ANKH: variants seen among roughly 807,000 people sequenced by gnomAD.
The protein encoded by ANKH is mineralization regulator ANKH.
ANKH carries 15 observed loss-of-function variants against 49.0 expected under a neutral mutation model. That is an observed-to-expected ratio of 0.31 (90% CI 0.20 to 0.47). The LOEUF is 0.47. ANKH is among the 20% of genes least tolerant of loss of function. The probability of loss-of-function intolerance (pLI) is 1.00; values close to 1 mark genes in which losing one functional copy is unlikely to be tolerated. For synonymous variants in ANKH, 273 were observed against 260.0 expected (o/e 1.05, Z -0.48); for missense variants, 429 against 652.0 (o/e 0.66, Z 3.72).
At chr5:14,821,406 T>C (rs1250817155) in intron 1 of ANKH, among the ~76,000 whole-genome samples, 1 of 152,214 alleles carries the variant, frequency 6.6e-6, no homozygotes, top group Non-Finnish European at 1.5e-5. Context: ...ACAGCTCTTT[T>C]ACTCTGAAAA....
chr5:14,849,073 T>C (rs972444470), intron 1 of ANKH, among the ~76,000 whole-genome samples: 14 of 152,176 alleles, frequency 9.2e-5, no homozygotes, highest in Non-Finnish European at 1.8e-4. Flanking sequence ...GGCTTAGGAA[T>C]TCTTAGTCAG....
intron 1 of ANKH, among the ~76,000 whole-genome samples, chr5:14,774,673 T>A (rs1330132752): frequency 6.6e-6 from 1 of 152,140 alleles, no homozygotes; most frequent in African/African-American, 2.4e-5. Flanking sequence ...GCTCACCCTG[T>A]TTTTCTTCAT....
chr5:14,850,276 T>C (rs1742087547), intron 1 of ANKH, among the ~76,000 whole-genome samples: 1 of 152,184 alleles, frequency 6.6e-6, no homozygotes, highest in African/African-American at 2.4e-5. Context: ...ATTCACGCAT[T>C]GTGGTCTTCC....
chr5:14,843,017 G>A (rs190490423), intron 1 of ANKH, among the ~76,000 whole-genome samples: 1 of 152,254 alleles, frequency 6.6e-6, no homozygotes, highest in Admixed American at 6.5e-5. Flanking sequence ...AGAGCTTCAA[G>A]GTAAGAGGGT....
chr5:14,805,432 T>C lies in ANKH; in HGVS notation c.97-36241A>G, dbSNP rs554690648. On this transcript the variant is annotated intron_variant, in intron 1 of 11. Transcript: ENST00000284268. ...TGTGTGTGTGTGTATCCTATAAACA[T>C]ATATATGTGTGTGTGTATATATATA... Among the ~76,000 whole-genome samples the C allele has an allele frequency of 3.9e-3, 452 of 116,360 alleles. 4 individuals carry two copies. The highest frequency in any genetic ancestry group is 0.014 in the African/African-American group (437 of 30,154). 76.3% of individuals were successfully genotyped at this position (116,360 alleles called of 152,430 possible). A position where few individuals can be genotyped will look rare whatever the true frequency, so the allele number is the denominator to read the frequency against.
intron 1 of ANKH, among the ~76,000 whole-genome samples, chr5:14,810,486 T>C (rs1740846383): frequency 6.6e-6 from 1 of 152,214 alleles, no homozygotes; most frequent in East Asian, 1.9e-4. Flanking sequence ...TAAAGTAGAA[T>C]AACAGTGAGC....
chr5:14,806,952 T>A (rs936411550), intron 1 of ANKH, among the ~76,000 whole-genome samples: 1 of 152,182 alleles, frequency 6.6e-6, no homozygotes, highest in Non-Finnish European at 1.5e-5. Context: ...TCAGAAAATA[T>A]AGTTCTAATT....
chr5:14,829,667 T>G (rs1316237570), intron 1 of ANKH, among the ~76,000 whole-genome samples: 5 of 152,190 alleles, frequency 3.3e-5, no homozygotes, highest in Non-Finnish European at 7.3e-5. Flanking sequence ...TTGAGTGTCT[T>G]AAGAATCAGT....
chr5:14,863,080 CG>C (rs1561089524), intron 1 of ANKH, among the ~76,000 whole-genome samples: 1 of 152,100 alleles, frequency 6.6e-6, no homozygotes, highest in East Asian at 1.9e-4. Context: ...AGTGGTTACA[CG>C]GGCATACTGC....
intron 8 of ANKH, among the ~76,000 whole-genome samples, chr5:14,739,919 TAATA>T (rs1351077882): frequency 1.3e-5 from 2 of 152,324 alleles, no homozygotes; most frequent in African/African-American, 2.4e-5. Flanking sequence ...AGGATTAGAA[TAATA>T]AATAAAGCCT....
At chr5:14,747,742 G>A (rs970812290) in intron 6 of ANKH, among the ~76,000 whole-genome samples, 11 of 152,172 alleles carry the variant, frequency 7.2e-5, no homozygotes, top group African/African-American at 2.4e-4. Context: ...GAGGTTCCAG[G>A]AACATGAGGC....
intron 1 of ANKH, among the ~76,000 whole-genome samples, chr5:14,864,029 AC>A (rs544864553): frequency 6.6e-5 from 10 of 152,266 alleles, no homozygotes; most frequent in Admixed American, 4.6e-4. Flanking sequence ...AGCTTGGGCA[AC>A]ATCACAAGAC....
chr5:14,716,950 C>T (rs1018448666), intron 8 of ANKH, 115 bp from the exon 9 acceptor site: 53 of 1,377,444 alleles, frequency 3.8e-5, no homozygotes, highest in Non-Finnish European at 5.3e-5. Flanking sequence ...ACCGGCCTGA[C>T]TGGGTGGTGG....
intron 2 of ANKH, among the ~76,000 whole-genome samples, chr5:14,759,854 GGAAGGAAAGA>G (rs150245328): frequency 0.65 from 95,977 of 148,160 alleles, 31,402 homozygotes; most frequent in Admixed American, 0.7. Context: ...GGAAGGAAAG[GGAAGGAAAGA>G]GAAGGAAAGG....
At chr5:14,801,199 T>C (rs188755150) in intron 1 of ANKH, among the ~76,000 whole-genome samples, 2 of 152,298 alleles carry the variant, frequency 1.3e-5, no homozygotes, top group African/African-American at 4.8e-5. Context: ...GATCAAAAGG[T>C]TTCTTACCTG....
At chr5:14,718,831 C>CT (rs1000393287) in intron 8 of ANKH, among the ~76,000 whole-genome samples, 2 of 140,600 alleles carry the variant, frequency 1.4e-5, no homozygotes, top group African/African-American at 2.7e-5. Flanking sequence ...CCAACACCAC[C>CT]CCCCCCCCAA....
chr5:14,814,031 C>G (rs901494413), intron 1 of ANKH, among the ~76,000 whole-genome samples: 1 of 152,186 alleles, frequency 6.6e-6, no homozygotes, highest in African/African-American at 2.4e-5. Flanking sequence ...TAATTTCCAC[C>G]TTATCCCAGT....
Position 14,710,813 on chromosome 5 carries a change from T to C in ANKH, c.*384A>G, listed in dbSNP as rs1047091803. 1.0e-5 allele frequency: 3 copies of C among 291,108 alleles called. No individual in the cohort carries two copies. Among genetic ancestry groups the C allele is most frequent in the African/African-American group, 2.2e-5 (1 of 45,456 alleles). 18.0% of individuals were successfully genotyped at this position (291,108 alleles called of 1,614,324 possible). ...AGAGCGATGAAGGGGGACAGGAGAGTCTGTGGCCTGCTGTGCAGGGTGACC... is the reference window on the plus strand; with the variant it reads ...AGAGCGATGAAGGGGGACAGGAGAGCCTGTGGCCTGCTGTGCAGGGTGACC... On this transcript the variant is annotated 3_prime_UTR_variant, in exon 12 of 12. Coordinates refer to ENST00000284268, the MANE Select transcript of ANKH (RefSeq NM_054027.6).
At chr5:14,856,987 C>G (rs1436548777) in intron 1 of ANKH, among the ~76,000 whole-genome samples, 4 of 152,156 alleles carry the variant, frequency 2.6e-5, no homozygotes, top group Admixed American at 1.3e-4. Flanking sequence ...TCCTGAGCAC[C>G]AGTGAACTCA....
Sources: gnomAD v4.1 joint callset for allele counts (sites outside exome capture counted in the v4.1 genomes callset) on GRCh38, gnomAD v4.1.1 for gene constraint, MANE v1.5 for transcripts, NCBI Gene and HGNC (gene_info 2026-07-23, HGNC 2026-07-21) for gene names.